GRIK4: variants seen among roughly 807,000 people sequenced by gnomAD.
GRIK4 encodes glutamate receptor ionotropic, kainate 4.
In GRIK4, 40 loss-of-function variants were observed where a neutral mutation model predicts 104.9. That is an observed-to-expected ratio of 0.38 (90% CI 0.30 to 0.50). GRIK4 has a LOEUF of 0.50. GRIK4 is among the 20% of genes least tolerant of loss of function. The pLI, the probability that GRIK4 is intolerant of heterozygous loss-of-function variation, is 0.93. For missense variants in GRIK4, 1,047 were observed against 1,308.1 expected (o/e 0.80, Z 3.08); for synonymous variants, 485 against 524.9 (o/e 0.92, Z 1.04).
chr11:120,876,388 CCAGCCT>C (rs1954816880), intron 11 of GRIK4, among the ~76,000 whole-genome samples: 1 of 145,538 alleles, frequency 6.9e-6, no homozygotes, highest in Non-Finnish European at 1.5e-5. Context: ...ACCACCACCA[CCAGCCT>C]CATCATCACA....
At chr11:120,765,227 C>T (rs1173112898) in intron 3 of GRIK4, among the ~76,000 whole-genome samples, 1 of 151,536 alleles carries the variant, frequency 6.6e-6, no homozygotes, top group African/African-American at 2.4e-5. Context: ...CTCTGATATC[C>T]TTTCTTCTGC....
chr11:120,517,609 G>C (rs1591669067), intron 1 of GRIK4, among the ~76,000 whole-genome samples: 1 of 151,766 alleles, frequency 6.6e-6, no homozygotes, highest in Non-Finnish European at 1.5e-5. Context: ...CCTGAGTGCT[G>C]AGTCACAGTG....
chr11:120,742,452 G>A (rs1372948043), intron 3 of GRIK4, among the ~76,000 whole-genome samples: 2 of 150,930 alleles, frequency 1.3e-5, no homozygotes, highest in Non-Finnish European at 1.5e-5. Context: ...GTGATCTTTA[G>A]AGAAATGTAA....
intron 20 of GRIK4, among the ~76,000 whole-genome samples, chr11:120,984,159 A>G (rs1944698062): frequency 1.3e-5 from 2 of 152,246 alleles, no homozygotes; most frequent in Admixed American, 1.3e-4. Context: ...GCAAGTAGTT[A>G]GAGCAGTCCC....
At chr11:120,564,984 T>G (rs28622889) in intron 1 of GRIK4, among the ~76,000 whole-genome samples, 493 of 138,940 alleles carry the variant, frequency 3.5e-3, no homozygotes, top group African/African-American at 6.5e-3. Context: ...TGCGGGGGGG[T>G]GGGGGGGGTG....
intron 1 of GRIK4, among the ~76,000 whole-genome samples, chr11:120,586,346 A>C (rs1246690046): frequency 6.6e-6 from 1 of 151,976 alleles, no homozygotes; most frequent in African/African-American, 2.4e-5. Flanking sequence ...AAGAGTTTAG[A>C]GTAGCCGGGG....
At chr11:120,587,126 C>T (rs1653028810) in intron 1 of GRIK4, among the ~76,000 whole-genome samples, 1 of 152,018 alleles carries the variant, frequency 6.6e-6, no homozygotes, top group African/African-American at 2.4e-5. Context: ...ATTACACATG[C>T]TTATTTATTA....
chr11:120,613,076 TG>T (rs1264694233), intron 1 of GRIK4, among the ~76,000 whole-genome samples: 1 of 152,130 alleles, frequency 6.6e-6, no homozygotes, highest in Non-Finnish European at 1.5e-5. Context: ...TCTCTGCCAT[TG>T]GGGTCTTGGC....
In GRIK4 at chr11:120,792,121, C is replaced by T. The variant is rs1402184507; in HGVS notation, c.83-10572C>T. On this transcript the variant is annotated intron_variant, in intron 3 of 20. Coordinates refer to ENST00000527524, the MANE Select transcript of GRIK4 (RefSeq NM_014619.5). ...TTGTGGTGCACTTGCTCAGCCTCTGCGTTCAGGGAAGGCTTCCTGAAGGAG... is the reference window on the plus strand; with the variant it reads ...TTGTGGTGCACTTGCTCAGCCTCTGTGTTCAGGGAAGGCTTCCTGAAGGAG... 3.3e-5 allele frequency among the ~76,000 whole-genome samples: 5 copies of T among 152,074 alleles called. No homozygotes were observed. In the South Asian group the frequency reaches 6.2e-4, roughly 19 times the overall value.
chr11:120,706,002 G>A (rs1285984539), intron 3 of GRIK4, among the ~76,000 whole-genome samples: 4 of 152,220 alleles, frequency 2.6e-5, no homozygotes, highest in Admixed American at 6.5e-5. Flanking sequence ...ATTCCACTCC[G>A]GCATATCACC....
chr11:120,709,143 A>T (rs144809555), intron 3 of GRIK4, among the ~76,000 whole-genome samples: 82 of 152,204 alleles, frequency 5.4e-4, no homozygotes, highest in Admixed American at 4.8e-3. Flanking sequence ...TGGAGACTCT[A>T]TTAAAAATGT....
intron 1 of GRIK4, among the ~76,000 whole-genome samples, chr11:120,523,683 G>A (rs1947822979): frequency 6.6e-6 from 1 of 152,206 alleles, no homozygotes; most frequent in African/African-American, 2.4e-5. Context: ...GTGGTTCGGT[G>A]TTGCCCGGGT....
chr11:120,889,331 A>C (rs542540981), intron 11 of GRIK4, among the ~76,000 whole-genome samples: 1 of 152,158 alleles, frequency 6.6e-6, no homozygotes, highest in African/African-American at 2.4e-5. Flanking sequence ...AACTCTAACA[A>C]TCTCAGTTTA....
chr11:120,793,410 G>T (rs1218410398), intron 3 of GRIK4, among the ~76,000 whole-genome samples: 4 of 152,120 alleles, frequency 2.6e-5, no homozygotes, highest in Admixed American at 1.3e-4. Context: ...CTCGGGAGAG[G>T]CTGAAGAAGA....
intron 8 of GRIK4, among the ~76,000 whole-genome samples, chr11:120,856,239 G>A (rs1335530052): frequency 6.6e-6 from 1 of 152,146 alleles, no homozygotes; most frequent in Non-Finnish European, 1.5e-5. Context: ...GCCAAATGAG[G>A]GTTTGAAACC....
At chr11:120,773,035 T>A (rs1411843225) in intron 3 of GRIK4, among the ~76,000 whole-genome samples, 2 of 152,252 alleles carry the variant, frequency 1.3e-5, no homozygotes, top group African/African-American at 4.8e-5. Flanking sequence ...GCAGTATTAT[T>A]GAGGATTGAT....
At chr11:120,881,219 T>A (rs1954960068) in intron 11 of GRIK4, among the ~76,000 whole-genome samples, 1 of 152,258 alleles carries the variant, frequency 6.6e-6, no homozygotes, top group Non-Finnish European at 1.5e-5. Context: ...AAATTTCTAT[T>A]TGCCACATTA....
chr11:120,789,308 C>T (rs1208270753), intron 3 of GRIK4, among the ~76,000 whole-genome samples: 1 of 152,188 alleles, frequency 6.6e-6, no homozygotes, highest in African/African-American at 2.4e-5. Flanking sequence ...ATCTTCCTCT[C>T]TATCCCCCTG....
intron 3 of GRIK4, among the ~76,000 whole-genome samples, chr11:120,720,413 G>A (rs1053590829): frequency 6.6e-6 from 1 of 152,220 alleles, no homozygotes; most frequent in Non-Finnish European, 1.5e-5. Flanking sequence ...GGGTCTCAAG[G>A]CTGACTCCCT....
Sources: gnomAD v4.1 joint callset for allele counts (sites outside exome capture counted in the v4.1 genomes callset) on GRCh38, gnomAD v4.1.1 for gene constraint, MANE v1.5 for transcripts, NCBI Gene and HGNC (gene_info 2026-07-23, HGNC 2026-07-21) for gene names.